The following NIPSNAP3B variants were observed in gnomAD, a reference collection of about 807,000 sequenced individuals.
The protein encoded by NIPSNAP3B is protein NipSnap homolog 3B.
A neutral mutation model predicts 31.5 loss-of-function variants in NIPSNAP3B; 30 were observed. That is an observed-to-expected ratio of 0.95 (90% CI 0.71 to 1.29). The LOEUF (loss-of-function observed/expected upper bound fraction) is 1.29. Ranked by LOEUF, NIPSNAP3B falls within the 50% of genes most tolerant of loss-of-function variation. The pLI, the probability that NIPSNAP3B is intolerant of heterozygous loss-of-function variation, is 0.00. For synonymous variants in NIPSNAP3B, 106 were observed against 107.9 expected (o/e 0.98, Z 0.11); for missense variants, 269 against 300.7 (o/e 0.89, Z 0.78).
At position 104,773,122 on chromosome 9, in the gene NIPSNAP3B, T is replaced by A; in HGVS notation, c.*49T>A. On this transcript the variant is annotated 3_prime_UTR_variant, in exon 6 of 6. Transcript: ENST00000374762. ...TTCATTAACTGCTCTAAGATGTGTC[T>A]GCTAATGGTGCTTAAATTCTCCCAA... 13 of 1,547,538 alleles carry A rather than the reference T, an allele frequency of 8.4e-6. No individual in the cohort carries two copies. The highest frequency in any genetic ancestry group is 1.2e-5 in the Non-Finnish European group (13 of 1,123,150).
chr9:104,781,670 C>T (rs1402427677), downstream of NIPSNAP3B: 4 of 152,552 alleles, frequency 2.6e-5, no homozygotes, highest in Non-Finnish European at 2.9e-5. Context: ...TTGTGCTGGG[C>T]ATTTATGTAT....
At chr9:104,784,425 C>A in the NIPSNAP3B span, 2 of 1,613,942 alleles carry the variant, frequency 1.2e-6, no homozygotes, top group African/African-American at 1.3e-5. Context: ...TGGTCATCAT[C>A]ACTTTGGTCC....
chr9:104,781,114 TTC>T (rs1225772561), downstream of NIPSNAP3B: 10 of 152,690 alleles, frequency 6.5e-5, no homozygotes, highest in Middle Eastern at 6.8e-3. Flanking sequence ...AAAATTTTTT[TTC>T]TTTTTTCCTT....
At position 104,766,461 on chromosome 9, in the gene NIPSNAP3B, A is replaced by G. The variant is rs905122676; in HGVS notation, c.197A>G (p.Tyr66Cys). Residue 66 changes from tyrosine (Y) to cysteine (C), a missense_variant, in exon 2 of 6, where the codon TAC becomes TGC. Transcript: ENST00000374762. ...AAAAACATTCATCTTCGGACCTCTTACTCTGAATTGGTTGGATTCTGGAGT... is the reference window on the plus strand; with the variant it reads ...AAAAACATTCATCTTCGGACCTCTTGCTCTGAATTGGTTGGATTCTGGAGT... ...LKKNIHLRTS[Y>C]SELVGFWSVE... 3 of 1,613,696 alleles carry G rather than the reference A, an allele frequency of 1.9e-6. No homozygotes were observed. The African/African-American group carries it at 4.0e-5, about 22-fold the overall frequency.
chr9:104,778,583 A>T (rs1414321410), downstream of NIPSNAP3B, among the ~76,000 whole-genome samples: 22 of 152,148 alleles, frequency 1.4e-4, no homozygotes, highest in Non-Finnish European at 2.9e-5. Flanking sequence ...AGACTGAAAT[A>T]CCCACTGCAT....
chr9:104,784,039 G>C, the NIPSNAP3B span: 2 of 399,478 alleles, frequency 5.0e-6, no homozygotes, highest in African/African-American at 4.0e-5. Flanking sequence ...TGTCCATTGG[G>C]TTCCATAATA....
chr9:104,773,184 A>G lies in NIPSNAP3B; in HGVS notation c.*111A>G. ...TTTTATTTGAAGGAGGTGGTAAGTTAATTAGTTAATTTGCTGTGCTTCTTG... is the reference window on the plus strand; with the variant it reads ...TTTTATTTGAAGGAGGTGGTAAGTTGATTAGTTAATTTGCTGTGCTTCTTG... On this transcript the variant is annotated 3_prime_UTR_variant, in exon 6 of 6. Coordinates refer to ENST00000374762, the MANE Select transcript of NIPSNAP3B (RefSeq NM_018376.4). 2.0e-6 allele frequency: 2 copies of G among 1,020,962 alleles called. No homozygotes were observed. The highest frequency in any genetic ancestry group is 2.9e-6 in the Non-Finnish European group (2 of 684,806). The allele number at this position is 1,020,962 out of a possible 1,614,324, so 63.2% of individuals were successfully genotyped here. A position where few individuals can be genotyped will look rare whatever the true frequency, so the allele number is the denominator to read the frequency against.
At chr9:104,779,082 C>T (rs890452433), downstream of NIPSNAP3B, among the ~76,000 whole-genome samples, 5 of 152,082 alleles carry the variant, frequency 3.3e-5, no homozygotes, top group Non-Finnish European at 4.4e-5. Flanking sequence ...TTCTTTCTTC[C>T]GGGAATATCC....
At chr9:104,786,146 C>T in the NIPSNAP3B span, 1 of 682,926 alleles carries the variant, frequency 1.5e-6, no homozygotes, top group South Asian at 1.8e-5. Flanking sequence ...AATTTGAATG[C>T]AGTTCGGACT....
At position 104,773,375 on chromosome 9, in the gene NIPSNAP3B, C is replaced by G. The variant is rs950816550; in HGVS notation, c.*302C>G. ...TCTTCTGTATTTTGATAACTCATTG[C>G]TTTATAGCATTTTCTTTTACTCAAA... On this transcript the variant is annotated 3_prime_UTR_variant, in exon 6 of 6. Coordinates refer to ENST00000374762, the MANE Select transcript of NIPSNAP3B (RefSeq NM_018376.4). 2 of 238,656 alleles carry G rather than the reference C, an allele frequency of 8.4e-6. No homozygotes were observed. The allele number at this position is 238,656 out of a possible 1,614,324, so 14.8% of individuals were successfully genotyped here.
At chr9:104,784,174 T>C in the NIPSNAP3B span, 2 of 1,064,094 alleles carry the variant, frequency 1.9e-6, no homozygotes, top group Middle Eastern at 2.1e-4. Flanking sequence ...TGAATTGCAT[T>C]GCATTGAATA....
chr9:104,766,430 C>T lies in NIPSNAP3B; in HGVS notation c.166C>T (p.Leu56Phe), dbSNP rs1588166152. 1.2e-6 allele frequency: 2 copies of T among 1,613,772 alleles called. No individual in the cohort carries two copies. The highest frequency in any genetic ancestry group is 1.7e-4 in the Middle Eastern group (1 of 6,056). ...AAATATGAATGCGTTCATGGAAAAT[C>T]TTAAGAAAAACATTCATCTTCGGAC... The part of the protein sequence containing the change: ...PSNMNAFMEN[L>F]KKNIHLRTSY... The change falls in exon 2 of 6, where the codon CTT becomes TTT. Residue 56 changes from leucine to phenylalanine, a missense_variant. Physicochemically the swap from Leu to Phe is conservative, Grantham distance 22. Transcript: ENST00000374762.
At chr9:104,785,333 G>A in the NIPSNAP3B span, 32 of 1,601,644 alleles carry the variant, frequency 2.0e-5, no homozygotes, top group South Asian at 5.5e-5. Context: ...ACCTATGGGC[G>A]GGAGTGTCGG....
chr9:104,783,407 A>G, the NIPSNAP3B span: 2 of 152,250 alleles, frequency 1.3e-5, no homozygotes, highest in African/African-American at 4.8e-5. Context: ...GCAGACAGTC[A>G]GGACAAATGG....
Position 104,766,551 on chromosome 9 carries a change from G to GT in NIPSNAP3B, c.271+20dup. On this transcript the variant is annotated intron_variant, in intron 2 of 5. Coordinates refer to ENST00000374762, the MANE Select transcript of NIPSNAP3B (RefSeq NM_018376.4). ...TGGAAGTATGGTAAAGAGTCATCCAGTTTTAGTATTCAGTATAGATTTTCA... is the reference window on the plus strand; with the variant it reads ...TGGAAGTATGGTAAAGAGTCATCCAGTTTTTAGTATTCAGTATAGATTTTCA... 1 of 1,601,964 alleles carries GT rather than the reference G, an allele frequency of 6.2e-7. No individual in the cohort carries two copies. Among genetic ancestry groups the GT allele is most frequent in the South Asian group, 1.1e-5 (1 of 90,732 alleles).
At chr9:104,772,765 A>AT in intron 4 of NIPSNAP3B, 57 bp from the exon 5 acceptor site, 2 of 1,543,544 alleles carry the variant, frequency 1.3e-6, no homozygotes, top group Non-Finnish European at 1.8e-6. Context: ...CTTTTTCAAT[A>AT]TTTCTTATTT....
At chr9:104,781,415 TAAC>T (rs41474449), downstream of NIPSNAP3B, 16,962 of 152,524 alleles carry the variant, frequency 0.11, 1,187 homozygotes, top group East Asian at 0.25. Context: ...TAGTAGATAA[TAAC>T]AAGGGTACAA....
At chr9:104,782,969 A>G in the NIPSNAP3B span, 4 of 152,606 alleles carry the variant, frequency 2.6e-5, no homozygotes, top group African/African-American at 4.8e-5. Context: ...CTGAGACTTA[A>G]TATCTCTCTA....
At position 104,774,321 on chromosome 9, in the gene NIPSNAP3B, G is replaced by A. The variant is rs1828289115; in HGVS notation, c.*1248G>A. Among the ~76,000 whole-genome samples the A allele has an allele frequency of 6.6e-6, 1 of 152,216 alleles. No individual in the cohort carries two copies. Among genetic ancestry groups the A allele is most frequent in the Non-Finnish European group, 1.5e-5 (1 of 68,028 alleles). On this transcript the variant is annotated 3_prime_UTR_variant, in exon 6 of 6. Coordinates refer to ENST00000374762, the MANE Select transcript of NIPSNAP3B (RefSeq NM_018376.4). The stretch of plus-strand genomic sequence containing the variant: ...GTTTATCTGGGCTATTATGCAATGT[G>A]AGATATTATTTATGAGAGGCAGGCA...
Sources: allele counts gnomAD v4.1 joint callset (sites outside exome capture counted in the v4.1 genomes callset), GRCh38; gene constraint gnomAD v4.1.1; transcripts MANE v1.5; gene names NCBI Gene and HGNC (gene_info 2026-07-23, HGNC 2026-07-21).